ARHGAP26: variants seen among roughly 807,000 people sequenced by gnomAD.
The protein encoded by ARHGAP26 is Rho GTPase activating protein 26.
ARHGAP26 carries 38 observed loss-of-function variants against 104.8 expected under a neutral mutation model. The observed-to-expected ratio is 0.36, with a 90% CI of 0.28 to 0.48. The LOEUF is 0.48. Ranked by LOEUF, ARHGAP26 falls within the 20% of genes least tolerant of loss-of-function variation. The pLI is 0.99. For missense variants in ARHGAP26, 704 were observed against 947.9 expected (o/e 0.74, Z 3.38); for synonymous variants, 341 against 340.0 (o/e 1.00, Z -0.03).
rs1414408846 is a variant in ARHGAP26 at position 143,012,548 on chromosome 5, C to CATATATAT, written c.1108-1529_1108-1528insTATATATA. Among the ~76,000 whole-genome samples, 176 of 23,322 alleles carry CATATATAT rather than the reference C, an allele frequency of 7.5e-3. 22 individuals carry two copies. Among genetic ancestry groups the CATATATAT allele is most frequent in the Middle Eastern group, 0.014 (1 of 74 alleles). The allele number at this position is 23,322 out of a possible 152,430, so 15.3% of individuals were successfully genotyped here. ...CTGGAGGGATATATTTATATACATACATACATATATATATATATATATATA... is the reference window on the plus strand; with the variant it reads ...CTGGAGGGATATATTTATATACATACATATATATATACATATATATATATATATATATA... On this transcript the variant is annotated intron_variant, in intron 11 of 22. Transcript: ENST00000645722.
chr5:142,906,104 G>A (rs141361386), intron 8 of ARHGAP26, among the ~76,000 whole-genome samples: 5 of 152,262 alleles, frequency 3.3e-5, no homozygotes, highest in Non-Finnish European at 7.4e-5. Flanking sequence ...TTCATGATTA[G>A]ATTTGGATTA....
At chr5:142,814,679 G>C (rs932142220) in intron 1 of ARHGAP26, among the ~76,000 whole-genome samples, 1 of 152,120 alleles carries the variant, frequency 6.6e-6, no homozygotes, top group African/African-American at 2.4e-5. Context: ...AAGTGTACAG[G>C]CTCCGGAGTC....
At chr5:143,174,485 G>T (rs1803209754) in intron 20 of ARHGAP26, among the ~76,000 whole-genome samples, 1 of 152,146 alleles carries the variant, frequency 6.6e-6, no homozygotes, top group Non-Finnish European at 1.5e-5. Flanking sequence ...CATACTAATG[G>T]TTACTTCTGG....
intron 11 of ARHGAP26, among the ~76,000 whole-genome samples, chr5:143,012,113 T>C (rs1437866168): frequency 1.3e-5 from 2 of 152,238 alleles, no homozygotes; most frequent in African/African-American, 4.8e-5. Flanking sequence ...TTTAGGTATA[T>C]GCATTGATGC....
intron 1 of ARHGAP26, among the ~76,000 whole-genome samples, chr5:142,828,286 C>T (rs758329065): frequency 6.6e-6 from 1 of 152,204 alleles, no homozygotes; most frequent in South Asian, 2.1e-4. Flanking sequence ...TGCACTGTAG[C>T]TGAAAGATTA....
intron 1 of ARHGAP26, among the ~76,000 whole-genome samples, chr5:142,828,658 C>A (rs1309571362): frequency 6.6e-6 from 1 of 152,194 alleles, no homozygotes; most frequent in African/African-American, 2.4e-5. Flanking sequence ...GAGGCATCAA[C>A]CATGTGCAGG....
At chr5:143,083,421 A>G (rs1353480707) in intron 17 of ARHGAP26, among the ~76,000 whole-genome samples, 1 of 152,172 alleles carries the variant, frequency 6.6e-6, no homozygotes, top group Non-Finnish European at 1.5e-5. Context: ...TCCAGCATCC[A>G]TTCTGTTGAC....
intron 1 of ARHGAP26, among the ~76,000 whole-genome samples, chr5:142,777,789 C>T (rs1756647859): frequency 6.6e-6 from 1 of 152,090 alleles, no homozygotes; most frequent in African/African-American, 2.4e-5. Context: ...CCAGTTGTGA[C>T]TGTAGCAGAG....
chr5:143,144,553 G>A (rs901696446), intron 19 of ARHGAP26, among the ~76,000 whole-genome samples: 2 of 152,078 alleles, frequency 1.3e-5, no homozygotes, highest in African/African-American at 4.8e-5. Context: ...CCACAGGTGT[G>A]TACCACCAGG....
chr5:142,777,685 C>G (rs1026501630), intron 1 of ARHGAP26, among the ~76,000 whole-genome samples: 1 of 152,102 alleles, frequency 6.6e-6, no homozygotes, highest in African/African-American at 2.4e-5. Flanking sequence ...CTCCAGAGCC[C>G]TAGACTAGAG....
chr5:142,827,480 T>C lies in ARHGAP26; in HGVS notation c.155-45920T>C, dbSNP rs570792139. Among the ~76,000 whole-genome samples, 70 of 152,342 alleles carry C rather than the reference T, an allele frequency of 4.6e-4. 1 individual carries two copies. The highest frequency in any genetic ancestry group is 6.8e-3 in the Middle Eastern group (2 of 294). ...TTAATGGTTGTAGAATTTGTGGTGC[T>C]GGTGGTGGAGGTTGAGGTTGGGGCA... On this transcript the variant is annotated intron_variant, in intron 1 of 22. Transcript: ENST00000645722.
Position 142,913,994 on chromosome 5 carries a change from G to T in ARHGAP26, c.1028+701G>T, listed in dbSNP as rs141499941. Among the ~76,000 whole-genome samples the T allele has an allele frequency of 7.9e-5, 12 of 152,332 alleles. No homozygotes were observed. The East Asian group carries it at 2.3e-3, about 29-fold the overall frequency. ...CCCACGTGTTAAGCTTATTTGAGCTGCCTGTTCAAGATCAGGAATGCTAGC... is the reference window on the plus strand; with the variant it reads ...CCCACGTGTTAAGCTTATTTGAGCTTCCTGTTCAAGATCAGGAATGCTAGC... On this transcript the variant is annotated intron_variant, in intron 10 of 22. Transcript: ENST00000645722.
chr5:142,865,507 C>G (rs1754119919), intron 1 of ARHGAP26, among the ~76,000 whole-genome samples: 1 of 131,084 alleles, frequency 7.6e-6, no homozygotes, highest in Admixed American at 7.8e-5. Flanking sequence ...TTTTTGAATC[C>G]CTTATAACTC....
At chr5:143,019,897 A>G (rs1390701754) in intron 12 of ARHGAP26, among the ~76,000 whole-genome samples, 1 of 152,194 alleles carries the variant, frequency 6.6e-6, no homozygotes, top group Non-Finnish European at 1.5e-5. Context: ...CACTTTCCTC[A>G]ATGTGGGTAT....
Position 143,071,873 on chromosome 5 carries a change from C to G in ARHGAP26, c.1538+14126C>G, listed in dbSNP as rs376717812. 6.6e-5 allele frequency among the ~76,000 whole-genome samples: 10 copies of G among 152,212 alleles called. No homozygotes were observed. In the South Asian group the frequency reaches 1.2e-3, roughly 19 times the overall value. ...TGAGCTGAGATTGCTCCACTGCACT[C>G]CAGCCTGGGCAACAGAACGAGACTC... On this transcript the variant is annotated intron_variant, in intron 17 of 22. Coordinates refer to ENST00000645722, the MANE Select transcript of ARHGAP26 (RefSeq NM_001135608.3).
intron 5 of ARHGAP26, among the ~76,000 whole-genome samples, chr5:142,890,768 C>T (rs1466423398): frequency 1.3e-4 from 20 of 152,072 alleles, no homozygotes; most frequent in Admixed American, 1.3e-3. Flanking sequence ...TGGTTTACAT[C>T]ATTTGGCCCA....
chr5:142,825,979 G>A (rs2152095792), intron 1 of ARHGAP26, among the ~76,000 whole-genome samples: 1 of 152,306 alleles, frequency 6.6e-6, no homozygotes. Context: ...GAGGAGAGAT[G>A]ATGAGGAAGC....
rs570318502 is a variant in ARHGAP26 at position 142,833,214 on chromosome 5, C to T, written c.155-40186C>T. Among the ~76,000 whole-genome samples, 33 of 149,936 alleles carry T rather than the reference C, an allele frequency of 2.2e-4. No homozygotes were observed. The East Asian group carries it at 4.7e-3, about 21-fold the overall frequency. The stretch of plus-strand genomic sequence containing the variant: ...GACTACAGGCACCCACCACCACACC[C>T]GGCTAATTTTTTTTTTTTTTTTTTT... On this transcript the variant is annotated intron_variant, in intron 1 of 22. Transcript: ENST00000645722.
chr5:143,040,066 A>G (rs796765545), intron 13 of ARHGAP26, among the ~76,000 whole-genome samples: 17 of 152,264 alleles, frequency 1.1e-4, no homozygotes, highest in East Asian at 3.9e-4. Flanking sequence ...GGATTTGACA[A>G]TTGTCCAGTG....
Sources: allele counts gnomAD v4.1 joint callset (sites outside exome capture counted in the v4.1 genomes callset), GRCh38; gene constraint gnomAD v4.1.1; transcripts MANE v1.5; gene names NCBI Gene and HGNC (gene_info 2026-07-23, HGNC 2026-07-21).